LRP1B: variants seen among roughly 807,000 people sequenced by gnomAD.
LRP1B encodes the protein LDL receptor related protein 1B, also known as low-density lipoprotein receptor-related protein 1B.
Under a neutral mutation model 556.6 loss-of-function variants are expected in LRP1B, and 217 were observed. That is an observed-to-expected ratio of 0.39 (90% confidence interval 0.35 to 0.44). LRP1B has a LOEUF of 0.44. LRP1B is among the 20% of genes least tolerant of loss of function. LRP1B has a pLI of 1.00. For missense variants in LRP1B, 5,053 were observed against 5,620.8 expected (o/e 0.90, Z 3.23); for synonymous variants, 2,047 against 1,865.8 (o/e 1.10, Z -2.50).
At chr2:141,604,884 C>T (rs1179184279) in intron 2 of LRP1B, among the ~76,000 whole-genome samples, 5 of 151,918 alleles carry the variant, frequency 3.3e-5, no homozygotes, top group South Asian at 4.2e-4. Context: ...TACTTGGATG[C>T]GAGACAAGAA....
intron 1 of LRP1B, among the ~76,000 whole-genome samples, chr2:142,050,435 A>T (rs1704415582): frequency 6.6e-6 from 1 of 152,142 alleles, no homozygotes; most frequent in African/African-American, 2.4e-5. Context: ...AGGTGCCATT[A>T]TACAATAAAT....
chr2:141,726,620 G>A (rs1185862227), intron 2 of LRP1B, among the ~76,000 whole-genome samples: 1 of 152,020 alleles, frequency 6.6e-6, no homozygotes, highest in Admixed American at 6.6e-5. Context: ...ATTAATATAA[G>A]TTAGACAGAA....
chr2:140,400,306 G>A (rs1052127784), intron 66 of LRP1B, among the ~76,000 whole-genome samples: 1 of 152,164 alleles, frequency 6.6e-6, no homozygotes, highest in African/African-American at 2.4e-5. Flanking sequence ...AGTAGCTGAT[G>A]AATACGTATT....
chr2:140,956,408 T>G (rs1392906195), intron 18 of LRP1B, among the ~76,000 whole-genome samples: 1 of 151,784 alleles, frequency 6.6e-6, no homozygotes. Context: ...AATTAAAAAT[T>G]TAATTCTTCA....
intron 1 of LRP1B, among the ~76,000 whole-genome samples, chr2:141,838,341 G>A (rs574265998): frequency 3.3e-5 from 5 of 152,092 alleles, no homozygotes; most frequent in African/African-American, 4.8e-5. Context: ...TTAACCTGGT[G>A]AATTGATGGA....
chr2:141,863,855 C>T (rs1021926712), intron 1 of LRP1B, among the ~76,000 whole-genome samples: 3 of 151,736 alleles, frequency 2.0e-5, no homozygotes, highest in Non-Finnish European at 4.4e-5. Context: ...TCATGGTGGT[C>T]GCATAACCCT....
rs182880090 is a variant in LRP1B at position 141,819,268 on chromosome 2, C to A, written c.83-8867G>T. On this transcript the variant is annotated intron_variant, in intron 1 of 90. Transcript: ENST00000389484. ...ACAAACAAACAAACAAAAAAAAAAA[C>A]AAAAAACTTTCCCAGTGAACTTTTT... 3.3e-3 allele frequency among the ~76,000 whole-genome samples: 505 copies of A among 151,222 alleles called. 5 individuals are homozygous for A. The highest frequency in any genetic ancestry group is 9.6e-3 in the African/African-American group (394 of 41,214).
chr2:141,260,987 T>A (rs955828453), intron 3 of LRP1B, among the ~76,000 whole-genome samples: 9 of 152,168 alleles, frequency 5.9e-5, no homozygotes, highest in Non-Finnish European at 8.8e-5. Context: ...TTTCCCTATG[T>A]GGCACATTAA....
At chr2:141,553,187 A>G (rs149678826) in intron 2 of LRP1B, among the ~76,000 whole-genome samples, 60 of 151,996 alleles carry the variant, frequency 3.9e-4, no homozygotes, top group Non-Finnish European at 7.7e-4. Context: ...GATAACATCC[A>G]AGCTCATGCA....
At chr2:140,249,255 A>G (rs1681303418) in intron 86 of LRP1B, among the ~76,000 whole-genome samples, 1 of 151,712 alleles carries the variant, frequency 6.6e-6, no homozygotes, top group South Asian at 2.1e-4. Flanking sequence ...AATAATTTAT[A>G]AAGTAATTAT....
intron 27 of LRP1B, among the ~76,000 whole-genome samples, chr2:140,865,962 T>A (rs1415179078): frequency 6.6e-6 from 1 of 151,994 alleles, no homozygotes; most frequent in African/African-American, 2.4e-5. Flanking sequence ...TTACTAAGGG[T>A]CATGCCAATG....
chr2:140,873,870 T>G (rs2105168159), intron 25 of LRP1B, among the ~76,000 whole-genome samples: 1 of 151,972 alleles, frequency 6.6e-6, no homozygotes, highest in Non-Finnish European at 1.5e-5. Context: ...ATTTAAAGGT[T>G]ATGTATAAAA....
intron 23 of LRP1B, among the ~76,000 whole-genome samples, chr2:140,896,381 C>T (rs1304564648): frequency 6.7e-6 from 1 of 150,302 alleles, no homozygotes; most frequent in Non-Finnish European, 1.5e-5. Context: ...TCAGCAAAAG[C>T]CAGATTGTAA....
At chr2:140,959,769 A>G (rs764144007) in intron 18 of LRP1B, among the ~76,000 whole-genome samples, 7 of 151,732 alleles carry the variant, frequency 4.6e-5, no homozygotes, top group Non-Finnish European at 1.0e-4. Context: ...ACAACTTCCA[A>G]GAGAAAAGGA....
chr2:141,800,690 T>G (rs892237193), intron 2 of LRP1B, among the ~76,000 whole-genome samples: 6 of 152,162 alleles, frequency 3.9e-5, no homozygotes, highest in Admixed American at 3.9e-4. Flanking sequence ...TCATGAATCT[T>G]TATCATAAAC....
chr2:141,558,311 C>CATCT (rs769192190), intron 2 of LRP1B, among the ~76,000 whole-genome samples: 7 of 151,720 alleles, frequency 4.6e-5, no homozygotes, highest in Admixed American at 6.6e-5. Flanking sequence ...TGCTGGTGGG[C>CATCT]ATCTCCTCAT....
At chr2:141,002,861 CAT>C (rs1217094391) in intron 15 of LRP1B, among the ~76,000 whole-genome samples, 3 of 151,990 alleles carry the variant, frequency 2.0e-5, no homozygotes, top group South Asian at 2.1e-4. Flanking sequence ...AAATGTCAAA[CAT>C]ATTTTTATTA....
chr2:140,711,305 A>G (rs974655546), intron 37 of LRP1B, among the ~76,000 whole-genome samples: 3 of 151,880 alleles, frequency 2.0e-5, no homozygotes, highest in African/African-American at 7.3e-5. Flanking sequence ...AGAAACACCC[A>G]AGCTCATAGT....
chr2:140,583,315 C>T (rs1681856555), intron 43 of LRP1B, among the ~76,000 whole-genome samples: 1 of 151,548 alleles, frequency 6.6e-6, no homozygotes, highest in South Asian at 2.1e-4. Flanking sequence ...GCTGGGATTA[C>T]AGGCGAGCAC....
Sources: gnomAD v4.1 joint callset for allele counts (sites outside exome capture counted in the v4.1 genomes callset) on GRCh38, gnomAD v4.1.1 for gene constraint, MANE v1.5 for transcripts, NCBI Gene and HGNC (gene_info 2026-07-23, HGNC 2026-07-21) for gene names.